Variants in TRPV6 observed in about 807,000 individuals in gnomAD.
TRPV6 encodes the protein transient receptor potential cation channel subfamily V member 6.
Under a neutral mutation model 79.0 loss-of-function variants are expected in TRPV6, and 39 were observed. That is an observed-to-expected ratio of 0.49 (90% CI 0.38 to 0.64). The LOEUF (loss-of-function observed/expected upper bound fraction) is 0.64. Ranked by LOEUF, TRPV6 falls within the 30% of genes least tolerant of loss-of-function variation. The pLI, the probability that TRPV6 is intolerant of heterozygous loss-of-function variation, is 0.00. For synonymous variants in TRPV6, 373 were observed against 391.9 expected (o/e 0.95, Z 0.57); for missense variants, 813 against 1,011.1 (o/e 0.80, Z 2.66).
rs190871956 is a variant in TRPV6 at position 142,875,039 on chromosome 7, C to T, written c.1329+39G>A. On this transcript the variant is annotated intron_variant, in intron 9 of 14. Coordinates refer to ENST00000359396, the MANE Select transcript of TRPV6 (RefSeq NM_018646.6). ...ATACCGGAACTTGGGCTGGATTCCT[C>T]GGGCAGACAGCCTCACCCAGAGTCC... 2.8e-5 allele frequency: 45 copies of T among 1,614,036 alleles called. No individual in the cohort carries two copies. The Admixed American group carries it at 4.3e-4, about 16-fold the overall frequency.
At chr7:142,879,234 G>A (rs2116525459) in intron 1 of TRPV6, 1 of 152,136 alleles carries the variant, frequency 6.6e-6, no homozygotes, top group East Asian at 1.9e-4. Context: ...ACCCAATTTG[G>A]GATTCATGGA....
rs548882003 is a variant in TRPV6, at chr7:142,874,512, G to T, written c.1551C>A (p.Pro517=). The T allele has an allele frequency of 3.1e-6, 5 of 1,614,134 alleles. No individual in the cohort carries two copies. In the African/African-American group the frequency reaches 5.3e-5, roughly 17 times the overall value. Residue 517 remains proline (P), a synonymous_variant, in exon 11 of 15, where the codon CCC becomes CCA. Coordinates refer to ENST00000359396, the MANE Select transcript of TRPV6 (RefSeq NM_018646.6). ...TGACCTTCTGAATCATGATGGTGAA[G>T]GGGCCTAGCATCTGGAATCCTCGGG...
rs200078303 is a variant in TRPV6, at chr7:142,876,596, C to T, written c.707-13G>A. ...AACACTGTGTTTCCTGGGGAGGACA[C>T]AGGGTATCATGTGGCCACTGGCCTA... On this transcript the variant is annotated splice_polypyrimidine_tract_variant and intron_variant, in intron 5 of 14. Coordinates refer to ENST00000359396, the MANE Select transcript of TRPV6 (RefSeq NM_018646.6). 7 of 1,613,826 alleles carry T rather than the reference C, an allele frequency of 4.3e-6. No individual in the cohort carries two copies. Among genetic ancestry groups the T allele is most frequent in the Non-Finnish European group, 5.9e-6 (7 of 1,179,852 alleles).
At chr7:142,874,826 T>C in intron 10 of TRPV6, 78 bp downstream of exon 10, 4 of 1,594,486 alleles carry the variant, frequency 2.5e-6, no homozygotes, top group Non-Finnish European at 3.4e-6. Flanking sequence ...GCTAAGGTTC[T>C]TGAGAGGTCA....
intron 1 of TRPV6, chr7:142,885,132 G>A (rs968672071): frequency 3.2e-6 from 1 of 317,324 alleles, no homozygotes; most frequent in African/African-American, 2.1e-5. Flanking sequence ...CCTTAGAGAA[G>A]TACTCACAAG....
At chr7:142,875,218 G>T in intron 8 of TRPV6, 54 bp from the exon 9 acceptor site, 2 of 1,591,584 alleles carry the variant, frequency 1.3e-6, no homozygotes, top group Non-Finnish European at 1.7e-6. Flanking sequence ...CCTCTGCCCT[G>T]CATTTCCATG....
chr7:142,875,504 G>T lies in TRPV6; in HGVS notation c.1206C>A (p.Pro402=). ...TCTGCTGTAAGAGGGTGTTGTCCCG[G>T]GGGCTCGTGCGGTTATTGGTCCTGG... The change falls in exon 8 of 15, where the codon CCC becomes CCA. Residue 402 remains proline, a synonymous_variant. Transcript: ENST00000359396. 2 of 1,602,908 alleles carry T rather than the reference G, an allele frequency of 1.2e-6. No homozygotes were observed. Among genetic ancestry groups the T allele is most frequent in the Non-Finnish European group, 1.7e-6 (2 of 1,175,676 alleles).
chr7:142,877,370 G>A (rs141591359), intron 3 of TRPV6, 91 bp from the exon 4 acceptor site: 3 of 1,561,196 alleles, frequency 1.9e-6, no homozygotes, highest in Non-Finnish European at 2.6e-6. Context: ...TTCCCTCAGG[G>A]GTAGCCTGGG....
At chr7:142,885,352 G>A in intron 1 of TRPV6, 37 bp downstream of exon 1, 1 of 1,586,548 alleles carries the variant, frequency 6.3e-7, no homozygotes, top group East Asian at 2.3e-5. Context: ...TGCAGGCCTG[G>A]GGAGGTGGGG....
Position 142,877,687 on chromosome 7 carries a change from G to C in TRPV6, c.433C>G (p.Leu145Val). ...TCAGATGTCATGGGCTCAAAGACCA[G>C]CTCCGGGGCAGCCTCCATCAGCACC... The change falls in exon 3 of 15, where the codon CTG becomes GTG. Residue 145 changes from leucine to valine, a missense_variant. Physicochemically the swap from Leu to Val is conservative, Grantham distance 32. Coordinates refer to ENST00000359396, the MANE Select transcript of TRPV6 (RefSeq NM_018646.6). 1 of 1,614,184 alleles carries C rather than the reference G, an allele frequency of 6.2e-7. No individual in the cohort carries two copies. Among genetic ancestry groups the C allele is most frequent in the Non-Finnish European group, 8.5e-7 (1 of 1,180,018 alleles).
At position 142,877,173 on chromosome 7, in the gene TRPV6, G is replaced by T; in HGVS notation, c.576C>A (p.Phe192Leu). The T allele has an allele frequency of 6.2e-7, 1 of 1,614,222 alleles. No individual in the cohort carries two copies. Reference sequence around the variant, plus strand: ...AGATGAGGTTGCAGGGACTACGGCGGAAGGCAGTGCCTGTGGCTCTGGCAG... The same window carrying T: ...AGATGAGGTTGCAGGGACTACGGCGTAAGGCAGTGCCTGTGGCTCTGGCAG... The change falls in exon 4 of 15, where the codon TTC (phenylalanine) becomes TTA (leucine). Residue 192 changes from phenylalanine (F) to leucine (L), a missense_variant. By Grantham distance (22) the Phe-to-Leu change is conservative (BLOSUM62 0). Coordinates refer to ENST00000359396, the MANE Select transcript of TRPV6 (RefSeq NM_018646.6).
rs750311111 is a variant in TRPV6 at position 142,874,607 on chromosome 7, T to C, written c.1456A>G (p.Ser486Gly). 24 of 1,613,930 alleles carry C rather than the reference T, an allele frequency of 1.5e-5. No individual in the cohort carries two copies. Among genetic ancestry groups the C allele is most frequent in the Non-Finnish European group, 1.9e-5 (22 of 1,180,022 alleles). ...ATGGGTACCACCTCCCCGCTGGCAC[T>C]GATGAGCCGCATCACCATGGTCACC... Residue 486 changes from serine to glycine, a missense_variant, in exon 11 of 15, where the codon AGT becomes GGT. Coordinates refer to ENST00000359396, the MANE Select transcript of TRPV6 (RefSeq NM_018646.6).
At chr7:142,878,258 T>C in intron 1 of TRPV6, 1 of 587,634 alleles carries the variant, frequency 1.7e-6, no homozygotes, top group Non-Finnish European at 3.0e-6. Flanking sequence ...CCGTGACTGG[T>C]TTCCTTCCCC....
rs767215623 is a variant in TRPV6, at chr7:142,877,664, A to C, written c.456T>G (p.Ser152=). The C allele has an allele frequency of 3.1e-6, 5 of 1,614,056 alleles. No homozygotes were observed. The highest frequency in any genetic ancestry group is 1.6e-4 in the Middle Eastern group (1 of 6,084). The change falls in exon 3 of 15, where the codon TCT becomes TCG. Residue 152 remains serine, a synonymous_variant. Coordinates refer to ENST00000359396, the MANE Select transcript of TRPV6 (RefSeq NM_018646.6). Reference sequence around the variant, plus strand: ...GTGGGCCCTCACCCTCATAGAGCTCAGATGTCATGGGCTCAAAGACCAGCT... The same window carrying C: ...GTGGGCCCTCACCCTCATAGAGCTCCGATGTCATGGGCTCAAAGACCAGCT...
intron 8 of TRPV6, 73 bp downstream of exon 8, chr7:142,875,395 G>C: frequency 1.4e-6 from 2 of 1,463,118 alleles, no homozygotes; most frequent in South Asian, 2.7e-5. Flanking sequence ...GTGTGAGGGA[G>C]GAAAGGGACA....
intron 14 of TRPV6, 27 bp downstream of exon 14, chr7:142,872,345 G>A (rs1461909391): frequency 6.2e-7 from 1 of 1,610,936 alleles, no homozygotes; most frequent in Non-Finnish European, 8.5e-7. Flanking sequence ...GCTTCTCAGG[G>A]GACACCTACC....
At chr7:142,872,685 C>T (rs1371661077) in intron 13 of TRPV6, among the ~76,000 whole-genome samples, 2 of 152,186 alleles carry the variant, frequency 1.3e-5, no homozygotes, top group Non-Finnish European at 2.9e-5. Context: ...TTCCCAGGAG[C>T]ACAGGCACCA....
At chr7:142,872,503 G>A (rs1416478416) in intron 13 of TRPV6, 25 bp from the exon 14 acceptor site, 3 of 1,601,978 alleles carry the variant, frequency 1.9e-6, no homozygotes, top group Non-Finnish European at 2.6e-6. Context: ...AAAAGGAGAA[G>A]TCAGAGATGA....
chr7:142,874,353 T>TA lies in TRPV6; in HGVS notation c.1572+137dup, dbSNP rs980848067. ...TTTCTACATTTTTTAAAAGGATTGT[T>TA]AAAAAAGAAGAAAAACATGCAGTGA... On this transcript the variant is annotated intron_variant, in intron 11 of 14. Coordinates refer to ENST00000359396, the MANE Select transcript of TRPV6 (RefSeq NM_018646.6). 4 of 1,301,670 alleles carry TA rather than the reference T, an allele frequency of 3.1e-6. No individual in the cohort carries two copies. In the African/African-American group the frequency reaches 5.9e-5, roughly 19 times the overall value. 80.6% of individuals were successfully genotyped at this position (1,301,670 alleles called of 1,614,324 possible).
Sources: gnomAD v4.1 joint callset for allele counts (sites outside exome capture counted in the v4.1 genomes callset) on GRCh38, gnomAD v4.1.1 for gene constraint, MANE v1.5 for transcripts, NCBI Gene and HGNC (gene_info 2026-07-23, HGNC 2026-07-21) for gene names.